Variants in PRKCB observed in about 807,000 individuals in gnomAD.
PRKCB encodes the protein protein kinase C beta type.
PRKCB carries 13 observed loss-of-function variants against 81.5 expected under a neutral mutation model. The observed-to-expected ratio is 0.16, with a 90% confidence interval of 0.10 to 0.25. PRKCB has a LOEUF of 0.25. Ranked by LOEUF, PRKCB falls within the 10% of genes least tolerant of loss-of-function variation. PRKCB has a pLI of 1.00. For missense variants in PRKCB, 509 were observed against 875.7 expected (o/e 0.58, Z 5.29); for synonymous variants, 335 against 321.4 (o/e 1.04, Z -0.45).
intron 5 of PRKCB, among the ~76,000 whole-genome samples, chr16:24,086,170 C>T (rs1336870641): frequency 6.6e-6 from 1 of 152,060 alleles, no homozygotes; most frequent in Non-Finnish European, 1.5e-5. Flanking sequence ...GTCAGAAACC[C>T]CCAGGGTTAG....
chr16:24,138,845 CTTTTTTTTTT>C (rs991952336), intron 9 of PRKCB, among the ~76,000 whole-genome samples: 13 of 78,848 alleles, frequency 1.6e-4, no homozygotes, highest in Middle Eastern at 0.014. Flanking sequence ...CAGTATTTGT[CTTTTTTTTTT>C]TTTTTTTTTT....
chr16:24,081,728 G>C (rs1007988308), intron 5 of PRKCB, among the ~76,000 whole-genome samples: 3 of 151,980 alleles, frequency 2.0e-5, no homozygotes, highest in Non-Finnish European at 4.4e-5. Context: ...ACAAAAATTA[G>C]TCGGGCGTGG....
At chr16:24,174,016 T>G (rs749458699) in intron 11 of PRKCB, among the ~76,000 whole-genome samples, 1 of 150,768 alleles carries the variant, frequency 6.6e-6, no homozygotes, top group African/African-American at 2.4e-5. Flanking sequence ...CTCTCTTTTT[T>G]GGGGGGGTGG....
intron 2 of PRKCB, among the ~76,000 whole-genome samples, chr16:23,971,293 G>A (rs975007736): frequency 2.6e-5 from 4 of 152,122 alleles, no homozygotes; most frequent in African/African-American, 7.2e-5. Context: ...AATCGTGATC[G>A]CCATCAGAAA....
chr16:24,110,871 T>C lies in PRKCB; in HGVS notation c.822-2102T>C, dbSNP rs565059724. ...GTTTGTTTTTAACAATTATTTTCTA[T>C]TTGTAACAAGTGATATTGAATTTCC... On this transcript the variant is annotated intron_variant, in intron 7 of 16. Transcript: ENST00000643927. 5.1e-4 allele frequency among the ~76,000 whole-genome samples: 77 copies of C among 152,246 alleles called. 1 individual carries two copies. The highest frequency in any genetic ancestry group is 1.6e-3 in the African/African-American group (67 of 41,534).
chr16:24,217,596 A>G lies in PRKCB; in HGVS notation c.*2780A>G, dbSNP rs962410760. On this transcript the variant is annotated 3_prime_UTR_variant, in exon 17 of 17. Transcript: ENST00000643927. ...CTCTGGGGATCTGCCCACAGGACAA[A>G]GTCCATAAAAGCAAGTCCTGTCTGG... 5.1e-6 allele frequency: 5 copies of G among 985,478 alleles called. No homozygotes were observed. Among genetic ancestry groups the G allele is most frequent in the South Asian group, 4.7e-5 (1 of 21,274 alleles). 61.0% of individuals were successfully genotyped at this position (985,478 alleles called of 1,614,324 possible).
At chr16:24,008,511 A>G (rs542703388) in intron 3 of PRKCB, among the ~76,000 whole-genome samples, 1 of 152,248 alleles carries the variant, frequency 6.6e-6, no homozygotes, top group Admixed American at 6.5e-5. Context: ...ATTGTACGGG[A>G]AAAGTGTCCA....
At chr16:23,870,608 T>C (rs1051731467) in intron 2 of PRKCB, among the ~76,000 whole-genome samples, 3 of 152,216 alleles carry the variant, frequency 2.0e-5, no homozygotes, top group African/African-American at 7.2e-5. Flanking sequence ...CACTTTCTTG[T>C]GGCATGCCAG....
intron 2 of PRKCB, among the ~76,000 whole-genome samples, chr16:23,961,544 C>T (rs770778820): frequency 5.9e-5 from 9 of 152,170 alleles, no homozygotes; most frequent in Non-Finnish European, 1.5e-5. Flanking sequence ...TGCTTCTTTC[C>T]TTAGAGTCCC....
chr16:24,002,962 T>C (rs1429710787), intron 3 of PRKCB, among the ~76,000 whole-genome samples: 2 of 152,084 alleles, frequency 1.3e-5, no homozygotes, highest in Non-Finnish European at 2.9e-5. Context: ...AATAGGAGAC[T>C]TGGGGAGGGG....
chr16:24,021,215 TTTCTTTCTTTCTTTCTTTCC>T lies in PRKCB; in HGVS notation c.289-10917_289-10898del, dbSNP rs1376778828. Among the ~76,000 whole-genome samples the T allele has an allele frequency of 6.8e-4, 16 of 23,460 alleles. 2 individuals carry two copies. Among genetic ancestry groups the T allele is most frequent in the African/African-American group, 2.2e-3 (11 of 4,984 alleles). The allele number at this position is 23,460 out of a possible 152,430, so 15.4% of individuals were successfully genotyped here. On this transcript the variant is annotated intron_variant, in intron 3 of 16. Coordinates refer to ENST00000643927, the MANE Select transcript of PRKCB (RefSeq NM_002738.7). Reference sequence around the variant, plus strand: ...CTTTCTTTCTTTCTTTCTTTCTTTCTTTCTTTCTTTCTTTCTTTCCTTCCTTCCTTCCTTCTTCCTTTCTT... The same window carrying T: ...CTTTCTTTCTTTCTTTCTTTCTTTCTTTCCTTCCTTCCTTCTTCCTTTCTT...
At chr16:24,139,894 C>T (rs1360795673) in intron 9 of PRKCB, among the ~76,000 whole-genome samples, 5 of 152,202 alleles carry the variant, frequency 3.3e-5, no homozygotes, top group Non-Finnish European at 7.3e-5. Context: ...TCGAAAAGTG[C>T]TGCAGTCCTA....
chr16:23,997,624 C>G (rs572511999), intron 3 of PRKCB, among the ~76,000 whole-genome samples: 1 of 152,254 alleles, frequency 6.6e-6, no homozygotes, highest in African/African-American at 2.4e-5. Context: ...TCTTTGTTTT[C>G]TTTGCTCTTT....
intron 8 of PRKCB, among the ~76,000 whole-genome samples, chr16:24,122,622 G>T (rs1445118484): frequency 1.3e-5 from 2 of 151,964 alleles, no homozygotes; most frequent in African/African-American, 4.8e-5. Flanking sequence ...ACCTTGCCTG[G>T]CTAACTTTCT....
intron 2 of PRKCB, among the ~76,000 whole-genome samples, chr16:23,979,175 T>C (rs1964662215): frequency 6.6e-6 from 1 of 152,136 alleles, no homozygotes; most frequent in Non-Finnish European, 1.5e-5. Flanking sequence ...TTGTCCCTAT[T>C]TTATAGACTA....
chr16:24,094,984 A>G (rs1241686990), intron 7 of PRKCB, among the ~76,000 whole-genome samples: 3 of 152,152 alleles, frequency 2.0e-5, no homozygotes, highest in Non-Finnish European at 2.9e-5. Flanking sequence ...CTAGTATTTT[A>G]AAAATCTGGG....
At chr16:23,898,800 A>G (rs1251513031) in intron 2 of PRKCB, among the ~76,000 whole-genome samples, 5 of 152,170 alleles carry the variant, frequency 3.3e-5, no homozygotes, top group Admixed American at 3.3e-4. Flanking sequence ...AGGACCGCCT[A>G]TTTGCCAGGG....
In PRKCB at chr16:23,839,279, C is replaced by CT. The variant is rs10657212; in HGVS notation, c.205+1887dup. Among the ~76,000 whole-genome samples the CT allele has an allele frequency of 2.4e-3, 332 of 137,112 alleles. 18 individuals carry two copies. Among genetic ancestry groups the CT allele is most frequent in the African/African-American group, 6.2e-3 (226 of 36,456 alleles). 90.0% of individuals were successfully genotyped at this position (137,112 alleles called of 152,430 possible). A position where few individuals can be genotyped will look rare whatever the true frequency, so the allele number is the denominator to read the frequency against. On this transcript the variant is annotated intron_variant, in intron 2 of 16. Coordinates refer to ENST00000643927, the MANE Select transcript of PRKCB (RefSeq NM_002738.7). ...ATGGGCGCTCTAGAGATAGGAGTGT[C>CT]TTTTTTTTTTTTTTGACAGGGTCTC...
chr16:24,010,459 C>T (rs1245541844), intron 3 of PRKCB, among the ~76,000 whole-genome samples: 1 of 152,132 alleles, frequency 6.6e-6, no homozygotes. Context: ...AGTGGAAGGT[C>T]TCCCCCACCC....
Sources: gnomAD v4.1 joint callset for allele counts (sites outside exome capture counted in the v4.1 genomes callset) on GRCh38, gnomAD v4.1.1 for gene constraint, MANE v1.5 for transcripts, NCBI Gene and HGNC (gene_info 2026-07-23, HGNC 2026-07-21) for gene names.